Variants in CPNE4 observed in about 807,000 individuals in gnomAD.
CPNE4 encodes the protein copine 4.
CPNE4 carries 25 observed loss-of-function variants against 67.9 expected under a neutral mutation model. The ratio of observed to expected loss-of-function variants is 0.37; its 90% CI spans 0.27 to 0.51. CPNE4 has a LOEUF of 0.51. CPNE4 is among the 20% of genes least tolerant of loss of function. The pLI is 0.93. For missense variants in CPNE4, 464 were observed against 690.8 expected (o/e 0.67, Z 3.68); for synonymous variants, 242 against 244.9 (o/e 0.99, Z 0.11).
At chr3:131,869,533 A>C (rs949731213) in intron 2 of CPNE4, among the ~76,000 whole-genome samples, 1 of 152,236 alleles carries the variant, frequency 6.6e-6, no homozygotes, top group Non-Finnish European at 1.5e-5. Context: ...TCAGCTTTTC[A>C]TAACTTAAGA....
chr3:131,572,685 G>A (rs145368392), intron 10 of CPNE4, among the ~76,000 whole-genome samples: 3 of 152,078 alleles, frequency 2.0e-5, no homozygotes, highest in African/African-American at 7.2e-5. Flanking sequence ...CTTTCTCCAG[G>A]GAGACAAAAA....
At chr3:131,702,924 T>C (rs79751644) in intron 3 of CPNE4, among the ~76,000 whole-genome samples, 2,712 of 152,244 alleles carry the variant, frequency 0.018, 93 homozygotes, top group African/African-American at 0.062. Context: ...GGTATACAAG[T>C]GGTGTTTTAC....
intron 2 of CPNE4, among the ~76,000 whole-genome samples, chr3:131,888,010 G>A (rs1056097452): frequency 1.3e-5 from 2 of 152,104 alleles, no homozygotes; most frequent in East Asian, 1.9e-4. Flanking sequence ...GCCTTCACAC[G>A]ATCTGAAACT....
intron 7 of CPNE4, among the ~76,000 whole-genome samples, chr3:131,616,868 A>T (rs1322509451): frequency 6.6e-6 from 1 of 152,240 alleles, no homozygotes; most frequent in Admixed American, 6.5e-5. Flanking sequence ...GCCTTTGATG[A>T]ACTGCACCTA....
chr3:131,744,258 T>G (rs1003051146), intron 2 of CPNE4, among the ~76,000 whole-genome samples: 33 of 152,108 alleles, frequency 2.2e-4, no homozygotes, highest in African/African-American at 7.7e-4. Context: ...AGAAATTTAT[T>G]AAAAAGTGAT....
At chr3:131,775,741 G>A (rs552256162) in intron 2 of CPNE4, among the ~76,000 whole-genome samples, 1 of 152,128 alleles carries the variant, frequency 6.6e-6, no homozygotes, top group South Asian at 2.1e-4. Flanking sequence ...TTTGTAGATT[G>A]CCCAGTCTTG....
intron 1 of CPNE4, among the ~76,000 whole-genome samples, chr3:131,939,099 C>A (rs977495620): frequency 6.6e-6 from 1 of 152,056 alleles, no homozygotes; most frequent in African/African-American, 2.4e-5. Context: ...GAATTGTAAA[C>A]GCATATACCC....
intron 2 of CPNE4, among the ~76,000 whole-genome samples, chr3:131,802,096 T>G (rs1382129568): frequency 7.2e-5 from 11 of 151,998 alleles, no homozygotes; most frequent in African/African-American, 2.7e-4. Context: ...CAGAAGGACT[T>G]TGGTGAGAAT....
chr3:131,680,802 T>A (rs1366273541), intron 6 of CPNE4, among the ~76,000 whole-genome samples: 1 of 152,148 alleles, frequency 6.6e-6, no homozygotes, highest in African/African-American at 2.4e-5. Flanking sequence ...CAGTTTGTAG[T>A]CTTTTATCGC....
chr3:131,566,673 C>A (rs6781184), intron 10 of CPNE4, among the ~76,000 whole-genome samples: 83 of 152,014 alleles, frequency 5.5e-4, no homozygotes, highest in Middle Eastern at 3.4e-3. Context: ...AAAATCATAT[C>A]TTTGGGGCCC....
At chr3:131,808,754 T>G (rs2084416757) in intron 2 of CPNE4, among the ~76,000 whole-genome samples, 1 of 152,178 alleles carries the variant, frequency 6.6e-6, no homozygotes, top group South Asian at 2.1e-4. Flanking sequence ...GTTCTTAGAA[T>G]ATAGAAAAAG....
intron 7 of CPNE4, among the ~76,000 whole-genome samples, chr3:131,622,963 C>A (rs550625430): frequency 3.1e-4 from 47 of 152,254 alleles, no homozygotes; most frequent in African/African-American, 1.1e-3. Flanking sequence ...TGCTTGGTAG[C>A]CGCATCAATA....
chr3:131,920,501 A>G (rs2070710788), intron 1 of CPNE4, among the ~76,000 whole-genome samples: 1 of 152,168 alleles, frequency 6.6e-6, no homozygotes, highest in African/African-American at 2.4e-5. Context: ...TTTGACAAAT[A>G]TTCAAGGCAG....
intron 2 of CPNE4, among the ~76,000 whole-genome samples, chr3:131,786,825 GT>G (rs1223519528): frequency 6.6e-6 from 1 of 152,168 alleles, no homozygotes; most frequent in Non-Finnish European, 1.5e-5. Flanking sequence ...AATATTAGGT[GT>G]TATTACACAG....
intron 5 of CPNE4, among the ~76,000 whole-genome samples, chr3:131,690,071 C>T (rs1481738388): frequency 6.6e-6 from 1 of 152,164 alleles, no homozygotes. Context: ...GCATTCCATG[C>T]TCATGGATCG....
chr3:131,680,103 G>A (rs2080702194), intron 6 of CPNE4, among the ~76,000 whole-genome samples: 1 of 152,124 alleles, frequency 6.6e-6, no homozygotes, highest in Non-Finnish European at 1.5e-5. Flanking sequence ...ATGAATCAGG[G>A]TGCTCCTATG....
chr3:131,696,833 C>A (rs1446459500), intron 4 of CPNE4, among the ~76,000 whole-genome samples: 2 of 152,082 alleles, frequency 1.3e-5, no homozygotes, highest in Non-Finnish European at 2.9e-5. Flanking sequence ...ACCATTTATA[C>A]TGAGCAAGAG....
At chr3:131,745,119 G>A (rs934811530) in intron 2 of CPNE4, among the ~76,000 whole-genome samples, 6 of 152,024 alleles carry the variant, frequency 3.9e-5, no homozygotes, top group Non-Finnish European at 5.9e-5. Flanking sequence ...TATTATTTCA[G>A]CCATTCTAAC....
chr3:132,037,065 G>T (rs552162895), upstream of CPNE4, among the ~76,000 whole-genome samples: 1 of 152,236 alleles, frequency 6.6e-6, no homozygotes, highest in African/African-American at 2.4e-5. Flanking sequence ...AGTCTCTAAA[G>T]GGGCAGCTAG....
Sources: gnomAD v4.1 joint callset for allele counts (sites outside exome capture counted in the v4.1 genomes callset) on GRCh38, gnomAD v4.1.1 for gene constraint, MANE v1.5 for transcripts, NCBI Gene and HGNC (gene_info 2026-07-23, HGNC 2026-07-21) for gene names.